POMGNT1: variants seen among roughly 807,000 people sequenced by gnomAD.
The protein encoded by POMGNT1 is protein O-linked-mannose beta-1,2-N-acetylglucosaminyltransferase 1.
POMGNT1 carries 67 observed loss-of-function variants against 95.6 expected under a neutral mutation model. The ratio of observed to expected loss-of-function variants is 0.70; its 90% CI spans 0.58 to 0.86. The LOEUF is 0.86. Among genes scored for constraint, POMGNT1 ranks in the 40% least tolerant of loss-of-function variants. The pLI is 0.00. For synonymous variants in POMGNT1, 298 were observed against 317.9 expected (o/e 0.94, Z 0.66); for missense variants, 719 against 855.2 (o/e 0.84, Z 1.99).
rs754111936 is a variant in POMGNT1 at position 46,196,830 on chromosome 1, C to T, written c.255G>A (p.Leu85=). ...CACTGCCTCTGCGCCGTGGGGGCTC[C>T]AGGCGGCCTAGGGCCTCATCTGTGG... ...EQDYDEALGR[L]EPPRRRGSGP... The change falls in exon 4 of 22, where the codon CTG becomes CTA. Residue 85 remains leucine (L), a synonymous_variant. Transcript: ENST00000371984. The surrounding 1 kb of genome is among the most constrained non-coding windows in gnomAD (Gnocchi z 4.4). The T allele has an allele frequency of 6.2e-7, 1 of 1,614,092 alleles. No individual in the cohort carries two copies. Among genetic ancestry groups the T allele is most frequent in the East Asian group, 2.2e-5 (1 of 44,900 alleles).
chr1:46,189,677 G>T (rs1049733041), intron 20 of POMGNT1, 110 bp from the exon 21 acceptor site: 4 of 1,545,356 alleles, frequency 2.6e-6, no homozygotes, highest in Non-Finnish European at 3.5e-6. Context: ...ACCTCAATTT[G>T]TAAGAGATAG....
upstream of POMGNT1, among the ~76,000 whole-genome samples, chr1:46,200,809 C>T (rs979658515): frequency 2.0e-5 from 3 of 152,200 alleles, no homozygotes; most frequent in African/African-American, 4.8e-5. Context: ...TCCTCCTATC[C>T]TTTTCTCCTT....
chr1:46,211,200 T>C (rs975979728), intron 1 of POMGNT1, among the ~76,000 whole-genome samples: 1 of 152,140 alleles, frequency 6.6e-6, no homozygotes, highest in African/African-American at 2.4e-5. Context: ...CTGTTTAGAT[T>C]CTTATTGGCC....
intron 17 of POMGNT1, chr1:46,191,771 A>T (rs1243940043): frequency 8.4e-6 from 3 of 357,124 alleles, no homozygotes; most frequent in Non-Finnish European, 1.6e-5. Flanking sequence ...AGTAGCTGGG[A>T]CTACAGGCGC....
intron 1 of POMGNT1, among the ~76,000 whole-genome samples, chr1:46,207,608 G>A (rs978511422): frequency 1.3e-5 from 2 of 150,598 alleles, no homozygotes; most frequent in Admixed American, 6.6e-5. Context: ...GTGCGATCTC[G>A]GCTCACTGCA....
intron 1 of POMGNT1, chr1:46,198,079 C>A (rs1449247289): frequency 2.4e-5 from 13 of 548,840 alleles, no homozygotes; most frequent in Non-Finnish European, 3.3e-5. Flanking sequence ...TGGAGTAACT[C>A]TCTGAATCAA....
At chr1:46,211,724 G>A (rs1422766844) in intron 1 of POMGNT1, among the ~76,000 whole-genome samples, 1 of 151,924 alleles carries the variant, frequency 6.6e-6, no homozygotes, top group Non-Finnish European at 1.5e-5. Context: ...TCAAATCTAG[G>A]TCCATTTAAT....
chr1:46,209,235 G>A (rs934030427), intron 1 of POMGNT1, among the ~76,000 whole-genome samples: 1 of 152,124 alleles, frequency 6.6e-6, no homozygotes, highest in Non-Finnish European at 1.5e-5. Context: ...TGTTGGTCAG[G>A]CTGGTCTCGA....
upstream of POMGNT1, among the ~76,000 whole-genome samples, chr1:46,198,997 A>G (rs1658451274): frequency 6.6e-6 from 1 of 152,054 alleles, no homozygotes; most frequent in Non-Finnish European, 1.5e-5. Context: ...GCTGGAGTGC[A>G]GTGGCACCAT....
chr1:46,214,495 A>C (rs55707872), intron 1 of POMGNT1, among the ~76,000 whole-genome samples: 36,253 of 152,240 alleles, frequency 0.24, 4,896 homozygotes, highest in Non-Finnish European at 0.31. Context: ...AGGTGTAAAA[A>C]GGTAAACATT....
rs1282014120 is a variant in POMGNT1, at chr1:46,190,733, T to C, written c.1591A>G (p.Arg531Gly). Residue 531 changes from arginine to glycine, a missense_variant, in exon 18 of 22, where the codon AGG becomes GGG. Physicochemically the swap from Arg to Gly is moderately radical, Grantham distance 125. This residue lies in a region of POMGNT1 where 2 missense variants were observed against 17.6 expected (regional missense o/e 0.11). Coordinates refer to ENST00000371984, the MANE Select transcript of POMGNT1 (RefSeq NM_017739.4). ...GCCAGCCCCAACCTGTCCACATTCC[T>C]GAGCTGGACACCTGGAACCGTGTTG... Reference protein sequence around the residue: ...KFNTVPGVQLRNVDSLKKEAY... With the variant: ...KFNTVPGVQLGNVDSLKKEAY... The C allele has an allele frequency of 6.2e-7, 1 of 1,611,556 alleles. No homozygotes were observed. The highest frequency in any genetic ancestry group is 1.1e-5 in the South Asian group (1 of 91,014).
At chr1:46,197,372 T>TA in intron 2 of POMGNT1, 3 of 1,480,194 alleles carry the variant, frequency 2.0e-6, no homozygotes, top group Non-Finnish European at 2.7e-6. Flanking sequence ...TGTTGGTTTC[T>TA]AGAGATGGAG....
chr1:46,190,437 T>C lies in POMGNT1; in HGVS notation c.1649+36A>G, dbSNP rs368000389. ...CCAAGATCCCCAGTATTTGACTCTT[T>C]GCTCCCTGCTACACCCCAATTGTCC... On this transcript the variant is annotated intron_variant, in intron 19 of 21. Coordinates refer to ENST00000371984, the MANE Select transcript of POMGNT1 (RefSeq NM_017739.4). 87 of 1,548,046 alleles carry C rather than the reference T, an allele frequency of 5.6e-5. No individual in the cohort carries two copies. The Middle Eastern group carries it at 1.5e-3, about 27-fold the overall frequency.
chr1:46,196,706 G>A lies in POMGNT1; in HGVS notation c.354+25C>T, dbSNP rs775889247. 2.5e-6 allele frequency: 4 copies of A among 1,613,982 alleles called. No individual in the cohort carries two copies. The highest frequency in any genetic ancestry group is 2.2e-5 in the East Asian group (1 of 44,890). On this transcript the variant is annotated intron_variant, in intron 4 of 21. Transcript: ENST00000371984. This position sits in a 1 kb window ranked among gnomAD's most constrained non-coding sequence, Gnocchi z 4.4. Reference sequence around the variant, plus strand: ...ATGCCCTGAGCAGAATAGAGTGACTGTACACCAGACCCTGGCCCACTGACC... The same window carrying A: ...ATGCCCTGAGCAGAATAGAGTGACTATACACCAGACCCTGGCCCACTGACC...
Position 46,193,915 on chromosome 1 carries a change from T to G in POMGNT1, c.890A>C (p.Asn297Thr), listed in dbSNP as rs1301045537. ...IEFSPDPLPD[N>T]KVLNVPVAVI... ...AGCCACAGGCACATTGAGGACCTTG[T>G]TGTCTGGGAGCTGTGGGAGAAATAG... The change falls in exon 10 of 22, where the codon AAC becomes ACC. Residue 297 changes from asparagine (N) to threonine (T), a missense_variant. By Grantham distance (65) the Asn-to-Thr change is moderately conservative (BLOSUM62 0). This residue lies in a region of POMGNT1 where 466 missense variants were observed against 517.4 expected (regional missense o/e 0.90). Transcript: ENST00000371984. 2 of 1,614,148 alleles carry G rather than the reference T, an allele frequency of 1.2e-6. No homozygotes were observed.
rs755936993 is a variant in POMGNT1, at chr1:46,189,866, G to A, written c.1773C>T (p.Thr591=). ...GGTATTGGAGCACCTTGGCAAGCTG[G>A]GTCCAGGTGGTGAAGTCATCATCTT... The part of the protein sequence containing the change: ...MEKDDDFTTW[T]QLAKCLHIWD... Residue 591 remains threonine, a synonymous_variant, in exon 20 of 22, where the codon ACC becomes ACT. Transcript: ENST00000371984. 2.0e-5 allele frequency: 32 copies of A among 1,613,770 alleles called. No homozygotes were observed. The highest frequency in any genetic ancestry group is 2.7e-5 in the Non-Finnish European group (32 of 1,180,018).
Position 46,194,540 on chromosome 1 carries a change from C to T in POMGNT1, c.751+13G>A, listed in dbSNP as rs1237607461. The T allele has an allele frequency of 1.9e-6, 3 of 1,614,182 alleles. No individual in the cohort carries two copies. Among genetic ancestry groups the T allele is most frequent in the Admixed American group, 1.7e-5 (1 of 60,020 alleles). The stretch of plus-strand genomic sequence containing the variant: ...GCCCAGGCCCTGCCCCATCCATGCT[C>T]CACTAACTCCACCTTCTGCTGAGCT... On this transcript the variant is annotated intron_variant, in intron 8 of 21. Transcript: ENST00000371984.
upstream of POMGNT1, among the ~76,000 whole-genome samples, chr1:46,200,936 G>A (rs1005241964): frequency 1.3e-5 from 2 of 151,506 alleles, no homozygotes; most frequent in South Asian, 4.2e-4. Flanking sequence ...GGATGGATCC[G>A]CCTGGCCAAC....
rs1657856601 is a variant in POMGNT1 at position 46,192,456 on chromosome 1, G to A, written c.1285-20C>T. The A allele has an allele frequency of 6.2e-7, 1 of 1,614,170 alleles. No individual in the cohort carries two copies. The highest frequency in any genetic ancestry group is 8.5e-7 in the Non-Finnish European group (1 of 1,180,020). ...ATACCCCTGGGGACAGGGTGCCATA[G>A]TGGGAGGTATTAGCTGAGGCCTCAT... On this transcript the variant is annotated intron_variant, in intron 15 of 21. Coordinates refer to ENST00000371984, the MANE Select transcript of POMGNT1 (RefSeq NM_017739.4).
Sources: gnomAD v4.1 joint callset for allele counts (sites outside exome capture counted in the v4.1 genomes callset) on GRCh38, gnomAD v4.1.1 for gene constraint, gnomAD v4.1.1 regional missense constraint, Gnocchi (gnomAD v3.1) non-coding constraint, MANE v1.5 for transcripts, NCBI Gene and HGNC (gene_info 2026-07-23, HGNC 2026-07-21) for gene names.